The following ARHGEF3 variants were observed in gnomAD, a reference collection of about 807,000 sequenced individuals.
The protein encoded by ARHGEF3 is Rho guanine nucleotide exchange factor 3.
ARHGEF3 carries 28 observed loss-of-function variants against 63.2 expected under a neutral mutation model. That is an observed-to-expected ratio of 0.44 (90% confidence interval 0.33 to 0.61). The LOEUF is 0.61. Among genes scored for constraint, ARHGEF3 ranks in the 20% least tolerant of loss-of-function variants. The pLI, the probability that ARHGEF3 is intolerant of heterozygous loss-of-function variation, is 0.03. For missense variants in ARHGEF3, 533 were observed against 659.3 expected (o/e 0.81, Z 2.10); for synonymous variants, 266 against 254.2 (o/e 1.05, Z -0.44).
chr3:56,729,502 G>A lies in ARHGEF3; in HGVS notation c.1349C>T (p.Thr450Ile). ...AGCTTGCCCGGCAGCACACAAAACTGTTTCTTTGGCTTGACGAATACAGTT... is the reference window on the plus strand; with the variant it reads ...AGCTTGCCCGGCAGCACACAAAACTATTTCTTTGGCTTGACGAATACAGTT... ...WLNCIRQAKE[T>I]VLCAAGQAGV... The change falls in exon 10 of 10, where the codon ACA (threonine) becomes ATA (isoleucine). Residue 450 changes from threonine to isoleucine, a missense_variant. This residue lies in a region of ARHGEF3 where 115 missense variants were observed against 103.4 expected (regional missense o/e 1.11). Coordinates refer to ENST00000296315, the MANE Select transcript of ARHGEF3 (RefSeq NM_019555.3). The A allele has an allele frequency of 1.2e-6, 2 of 1,614,174 alleles. No individual in the cohort carries two copies. Among genetic ancestry groups the A allele is most frequent in the South Asian group, 1.1e-5 (1 of 91,080 alleles).
intron 2 of ARHGEF3, among the ~76,000 whole-genome samples, chr3:56,763,563 T>G (rs975465258): frequency 1.3e-5 from 2 of 152,188 alleles, no homozygotes; most frequent in African/African-American, 4.8e-5. Context: ...GAAACATTCT[T>G]TTTGAGAAAA....
At chr3:57,042,108 CCT>C (rs1260512143) in intron 1 of ARHGEF3, among the ~76,000 whole-genome samples, 1 of 152,164 alleles carries the variant, frequency 6.6e-6, no homozygotes, top group Non-Finnish European at 1.5e-5. Flanking sequence ...CCACTATCAC[CCT>C]GAGTCCACCC....
At chr3:57,057,776 C>T (rs574565784) in intron 1 of ARHGEF3, among the ~76,000 whole-genome samples, 27 of 152,290 alleles carry the variant, frequency 1.8e-4, no homozygotes, top group African/African-American at 5.5e-4. Flanking sequence ...CTCCAGCCAT[C>T]GTATCACTTG....
chr3:57,010,777 G>A (rs1362432981), intron 2 of ARHGEF3, among the ~76,000 whole-genome samples: 1 of 152,106 alleles, frequency 6.6e-6, no homozygotes, highest in Non-Finnish European at 1.5e-5. Flanking sequence ...GAATCATGGG[G>A]AGACTAATCT....
Position 56,934,385 on chromosome 3 carries a change from C to A in ARHGEF3, c.129+24438G>T, listed in dbSNP as rs112546442. On this transcript the variant is annotated intron_variant, in intron 3 of 12. Coordinates refer to the ARHGEF3 transcript ENST00000338458. ...TGGCAGCATTTGAGGAGCCCTTCAG[C>A]CCACCACTGCACTGTGGGAGCCCCT... 3.9e-5 allele frequency among the ~76,000 whole-genome samples: 6 copies of A among 152,350 alleles called. 1 individual carries two copies. Among genetic ancestry groups the A allele is most frequent in the African/African-American group, 1.2e-4 (5 of 41,596 alleles).
chr3:56,732,469 T>C (rs370794396), intron 8 of ARHGEF3, 45 bp from the exon 9 acceptor site: 41 of 1,603,420 alleles, frequency 2.6e-5, no homozygotes, highest in Non-Finnish European at 3.4e-5. Context: ...AATAATGTAA[T>C]GAGTGGTTGA....
At chr3:57,068,874 G>A (rs1685110995) in intron 1 of ARHGEF3, among the ~76,000 whole-genome samples, 1 of 151,454 alleles carries the variant, frequency 6.6e-6, no homozygotes, top group Non-Finnish European at 1.5e-5. Context: ...TGAACTGCCG[G>A]TTCCAACAAC....
rs564942670 is a variant in ARHGEF3 at position 57,051,288 on chromosome 3, G to C, written c.-27-16112C>G. Among the ~76,000 whole-genome samples, 9 of 152,246 alleles carry C rather than the reference G, an allele frequency of 5.9e-5. No individual in the cohort carries two copies. In the East Asian group the frequency reaches 1.7e-3, roughly 29 times the overall value. On this transcript the variant is annotated intron_variant, in intron 1 of 12. Coordinates refer to the ARHGEF3 transcript ENST00000338458. The stretch of plus-strand genomic sequence containing the variant: ...GGATAACCTGAGGTCAGGAGTTCGA[G>C]ACCAGCCTGACCAACATGGAGAAAC...
rs992954800 is a variant in ARHGEF3 at position 56,868,898 on chromosome 3, G to T, written c.192+13394C>A. ...TAAGTTTAGCTTCTTTCAGTGGCCC[G>T]TGTATGATGTATGGCAGAGCTCAGT... On this transcript the variant is annotated intron_variant, in intron 4 of 12. Transcript: ENST00000338458. 2.6e-5 allele frequency among the ~76,000 whole-genome samples: 4 copies of T among 152,136 alleles called. No individual in the cohort carries two copies. The South Asian group carries it at 8.3e-4, about 31-fold the overall frequency.
intron 4 of ARHGEF3, among the ~76,000 whole-genome samples, chr3:56,860,557 C>T (rs77535308): frequency 0.021 from 3,168 of 152,248 alleles, 52 homozygotes; most frequent in Non-Finnish European, 0.029. Flanking sequence ...ATATATGTAA[C>T]CAGTATAATG....
chr3:56,916,647 G>A (rs945959889), intron 3 of ARHGEF3, among the ~76,000 whole-genome samples: 2 of 152,206 alleles, frequency 1.3e-5, no homozygotes, highest in Non-Finnish European at 2.9e-5. Context: ...GAGACAAACA[G>A]TGCTCACTGG....
intron 1 of ARHGEF3, among the ~76,000 whole-genome samples, chr3:57,061,350 T>A (rs1705214423): frequency 6.6e-6 from 1 of 152,048 alleles, no homozygotes; most frequent in South Asian, 2.1e-4. Flanking sequence ...CAGGCAGGAG[T>A]ACAGTGGCAC....
intron 2 of ARHGEF3, among the ~76,000 whole-genome samples, chr3:57,025,966 A>G (rs941590706): frequency 1.3e-5 from 2 of 152,262 alleles, no homozygotes; most frequent in Admixed American, 1.3e-4. Flanking sequence ...TCAAGTTCCC[A>G]TGCTCTTTTC....
Position 56,968,293 on chromosome 3 carries a change from TATA to T in ARHGEF3, c.63-9407_63-9405del, listed in dbSNP as rs1700743298. ...TAATATATAAAATATATATAATATA[TATA>T]ATATATAATATATATAAAATATATT... On this transcript the variant is annotated intron_variant, in intron 2 of 12. Coordinates refer to the ARHGEF3 transcript ENST00000338458. Among the ~76,000 whole-genome samples, 2 of 61,756 alleles carry T rather than the reference TATA, an allele frequency of 3.2e-5. 1 individual carries two copies. Among genetic ancestry groups the T allele is most frequent in the African/African-American group, 1.1e-4 (2 of 18,278 alleles). 40.5% of individuals were successfully genotyped at this position (61,756 alleles called of 152,430 possible).
chr3:56,931,628 C>A (rs35538881), intron 3 of ARHGEF3, among the ~76,000 whole-genome samples: 15,059 of 135,406 alleles, frequency 0.11, 1,063 homozygotes, highest in Non-Finnish European at 0.16. Flanking sequence ...CCTAAAAAAA[C>A]CAAATTTGCA....
intron 1 of ARHGEF3, among the ~76,000 whole-genome samples, chr3:57,036,339 G>A (rs1328834557): frequency 1.3e-5 from 2 of 152,016 alleles, no homozygotes; most frequent in African/African-American, 4.8e-5. Flanking sequence ...GGTGCATGAC[G>A]CCCAAGTTTA....
chr3:56,795,653 C>CTTTTT (rs1324495358), intron 1 of ARHGEF3, among the ~76,000 whole-genome samples: 3 of 69,266 alleles, frequency 4.3e-5, no homozygotes, highest in African/African-American at 8.4e-5. Context: ...CAGTCTCTCT[C>CTTTTT]TCTTTTTTTT....
intron 1 of ARHGEF3, among the ~76,000 whole-genome samples, chr3:57,069,163 C>G (rs1264191754): frequency 6.6e-6 from 1 of 152,060 alleles, no homozygotes; most frequent in African/African-American, 2.4e-5. Context: ...CCTCGTGATC[C>G]ACTTGCCTCA....
intron 4 of ARHGEF3, among the ~76,000 whole-genome samples, chr3:56,862,942 A>T (rs1287294261): frequency 6.6e-6 from 1 of 152,152 alleles, no homozygotes. Flanking sequence ...AGTGACTCAC[A>T]TCTGGTGTGC....
Sources: gnomAD v4.1 joint callset for allele counts (sites outside exome capture counted in the v4.1 genomes callset) on GRCh38, gnomAD v4.1.1 for gene constraint, gnomAD v4.1.1 regional missense constraint, MANE v1.5 for transcripts, NCBI Gene and HGNC (gene_info 2026-07-23, HGNC 2026-07-21) for gene names.